The following SPATA13 variants were observed in gnomAD, a reference collection of about 807,000 sequenced individuals.
SPATA13 encodes spermatogenesis-associated protein 13.
Under a neutral mutation model 104.0 loss-of-function variants are expected in SPATA13, and 50 were observed. The ratio of observed to expected loss-of-function variants is 0.48; its 90% confidence interval spans 0.38 to 0.61. The LOEUF (loss-of-function observed/expected upper bound fraction) is 0.61. SPATA13 is among the 20% of genes least tolerant of loss of function. The pLI, the probability that SPATA13 is intolerant of heterozygous loss-of-function variation, is 0.00. For synonymous variants in SPATA13, 606 were observed against 667.5 expected (o/e 0.91, Z 1.42); for missense variants, 1,524 against 1,690.6 (o/e 0.90, Z 1.73).
chr13:24,002,643 G>C (rs1477158676), intron 2 of SPATA13, among the ~76,000 whole-genome samples: 1 of 152,140 alleles, frequency 6.6e-6, no homozygotes, highest in South Asian at 2.1e-4. Flanking sequence ...CCAGTTCCTG[G>C]AGTCTCCTTG....
At chr13:24,270,940 A>G (rs752089563) in intron 4 of SPATA13, 1 of 1,533,570 alleles carries the variant, frequency 6.5e-7, no homozygotes, top group Admixed American at 1.7e-5. Flanking sequence ...GGATTGTTGT[A>G]CTGTGACATG....
intron 3 of SPATA13, among the ~76,000 whole-genome samples, chr13:24,077,643 A>G (rs1197647093): frequency 6.6e-6 from 1 of 152,136 alleles, no homozygotes; most frequent in Admixed American, 6.5e-5. Context: ...AAAAGACAAA[A>G]CAGAATATGG....
intron 3 of SPATA13, among the ~76,000 whole-genome samples, chr13:24,086,350 A>G (rs1879717804): frequency 6.6e-6 from 1 of 152,198 alleles, no homozygotes; most frequent in South Asian, 2.1e-4. Context: ...GGCAAGGGGA[A>G]GTCACTGAAG....
rs539771262 is a variant in SPATA13 at position 24,074,043 on chromosome 13, C to T, written c.-112+56342C>T. 3.3e-5 allele frequency among the ~76,000 whole-genome samples: 5 copies of T among 152,350 alleles called. No homozygotes were observed. In the South Asian group the frequency reaches 8.3e-4, roughly 25 times the overall value. ...TCTTAAAAATTTGTGGTAAGATGCA[C>T]ATACATTTTCGATCTTAATTATTTT... On this transcript the variant is annotated intron_variant, in intron 3 of 14. Transcript: ENST00000424834.
chr13:24,103,716 G>T (rs1444312904), intron 3 of SPATA13, among the ~76,000 whole-genome samples: 2 of 152,074 alleles, frequency 1.3e-5, no homozygotes, highest in East Asian at 1.9e-4. Context: ...GGCAGAAGGT[G>T]CTATTTTCCA....
intron 2 of SPATA13, among the ~76,000 whole-genome samples, chr13:24,003,721 A>C (rs1166017967): frequency 6.6e-6 from 1 of 152,246 alleles, no homozygotes; most frequent in Non-Finnish European, 1.5e-5. Context: ...TAACTAATGC[A>C]AAATATTTGC....
intron 4 of SPATA13, among the ~76,000 whole-genome samples, chr13:24,279,583 G>A (rs1875339498): frequency 6.6e-6 from 1 of 152,158 alleles, no homozygotes; most frequent in Non-Finnish European, 1.5e-5. Context: ...GTAAGAGGTA[G>A]CCAGATCCTG....
At chr13:23,979,954 C>T (rs112945942) in intron 1 of SPATA13, 1 of 152,366 alleles carries the variant, frequency 6.6e-6, no homozygotes, top group African/African-American at 2.4e-5. Flanking sequence ...ATATTGTCAC[C>T]TCGCCCGCAC....
chr13:24,087,050 C>T (rs1000887254), intron 3 of SPATA13, among the ~76,000 whole-genome samples: 2 of 152,218 alleles, frequency 1.3e-5, no homozygotes, highest in Non-Finnish European at 2.9e-5. Flanking sequence ...GAAACAGTGG[C>T]AGTTGCTCTC....
At chr13:24,040,687 C>T (rs1593294156) in intron 3 of SPATA13, among the ~76,000 whole-genome samples, 1 of 152,242 alleles carries the variant, frequency 6.6e-6, no homozygotes, top group East Asian at 1.9e-4. Flanking sequence ...AACTAGGCCT[C>T]CTCTCCTGTG....
At chr13:24,273,977 A>G (rs1035412401) in intron 4 of SPATA13, among the ~76,000 whole-genome samples, 19 of 152,220 alleles carry the variant, frequency 1.2e-4, no homozygotes, top group Non-Finnish European at 2.1e-4. Flanking sequence ...GGCATGAGCC[A>G]CTGCGCCCGG....
chr13:24,029,723 G>A (rs1391397407), intron 3 of SPATA13, among the ~76,000 whole-genome samples: 1 of 152,080 alleles, frequency 6.6e-6, no homozygotes, highest in East Asian at 1.9e-4. Context: ...CATCACCCAG[G>A]TATTAAAGCC....
intron 3 of SPATA13, among the ~76,000 whole-genome samples, chr13:24,048,494 C>T (rs1202247187): frequency 1.3e-5 from 2 of 151,976 alleles, no homozygotes; most frequent in East Asian, 3.8e-4. Flanking sequence ...ATCTTACATT[C>T]ATAATTTCGT....
chr13:24,006,533 G>A (rs1309428896), intron 2 of SPATA13, among the ~76,000 whole-genome samples: 1 of 152,202 alleles, frequency 6.6e-6, no homozygotes, highest in Non-Finnish European at 1.5e-5. Flanking sequence ...CACGAGGTGC[G>A]GCAGAGGAGC....
At chr13:24,197,911 G>A (rs1870159290) in intron 1 of SPATA13, among the ~76,000 whole-genome samples, 1 of 152,110 alleles carries the variant, frequency 6.6e-6, no homozygotes, top group Non-Finnish European at 1.5e-5. Context: ...AGTCCCCCAA[G>A]AAACATGCAT....
At chr13:24,042,461 T>G (rs1436730443) in intron 3 of SPATA13, among the ~76,000 whole-genome samples, 2 of 152,222 alleles carry the variant, frequency 1.3e-5, no homozygotes, top group Admixed American at 1.3e-4. Context: ...ACCAGGCTGC[T>G]GTGTGAAGCC....
intron 2 of SPATA13, among the ~76,000 whole-genome samples, chr13:23,992,854 C>A (rs1167362340): frequency 1.4e-4 from 22 of 152,204 alleles, no homozygotes; most frequent in Non-Finnish European, 2.9e-5. Context: ...TGACTGCTGG[C>A]AGCTGCTGCC....
intron 2 of SPATA13, among the ~76,000 whole-genome samples, chr13:24,224,997 C>G (rs1566160650): frequency 6.6e-6 from 1 of 152,224 alleles, no homozygotes; most frequent in Non-Finnish European, 1.5e-5. Flanking sequence ...AAGTGAAATT[C>G]TTTCTGTTAA....
intron 1 of SPATA13, among the ~76,000 whole-genome samples, chr13:23,983,211 G>A (rs1466623667): frequency 2.0e-5 from 3 of 150,650 alleles, no homozygotes; most frequent in African/African-American, 7.3e-5. Context: ...CTGGTAGTCC[G>A]AGATCAAGGA....
Sources: gnomAD v4.1 joint callset for allele counts (sites outside exome capture counted in the v4.1 genomes callset) on GRCh38, gnomAD v4.1.1 for gene constraint, MANE v1.5 for transcripts, NCBI Gene and HGNC (gene_info 2026-07-23, HGNC 2026-07-21) for gene names.